UBOX5: variants seen among roughly 807,000 people sequenced by gnomAD.
The protein encoded by UBOX5 is U-box domain containing 5.
Under a neutral mutation model 39.0 loss-of-function variants are expected in UBOX5, and 28 were observed. The observed-to-expected ratio is 0.72, with a 90% CI of 0.53 to 0.98. The LOEUF is 0.98. UBOX5 is among the 50% of genes least tolerant of loss of function. The probability of loss-of-function intolerance (pLI) is 0.00; values close to 1 mark genes in which losing one functional copy is unlikely to be tolerated. For synonymous variants in UBOX5, 283 were observed against 275.5 expected (o/e 1.03, Z -0.27); for missense variants, 585 against 674.4 (o/e 0.87, Z 1.47).
At chr20:3,117,391 C>A (rs1240832005) in intron 3 of UBOX5, among the ~76,000 whole-genome samples, 2 of 151,882 alleles carry the variant, frequency 1.3e-5, no homozygotes, top group Non-Finnish European at 2.9e-5. Flanking sequence ...CCATTAAAAT[C>A]TATTAACAGG....
At position 3,122,459 on chromosome 20, in the gene UBOX5, A is replaced by C. The variant is rs773555195; in HGVS notation, c.180T>G (p.Asn60Lys). The change falls in exon 3 of 5, where the codon AAT becomes AAG. Residue 60 changes from asparagine (N) to lysine (K), a missense_variant. Physicochemically the swap from Asn to Lys is moderately conservative, Grantham distance 94. Transcript: ENST00000217173. ...PVYVTVSFPF[N>K]VEICRINIDL... is the part of the protein sequence containing the mutation. Reference sequence around the variant, plus strand: ...CTATGTTGATCCTACAGATTTCCACATTAAAGGGAAATGAAACTGTCACAT... The same window carrying C: ...CTATGTTGATCCTACAGATTTCCACCTTAAAGGGAAATGAAACTGTCACAT... 1 of 1,614,206 alleles carries C rather than the reference A, an allele frequency of 6.2e-7. No individual in the cohort carries two copies. Among genetic ancestry groups the C allele is most frequent in the Non-Finnish European group, 8.5e-7 (1 of 1,180,024 alleles).
Position 3,109,879 on chromosome 20 carries a change from C to A in UBOX5, c.*227G>T. ...TCCTGGGCTCAGGCAGGGGGGGTGGCAGGGAGGCAGGGACATCCCCCCGCC... is the reference window on the plus strand; with the variant it reads ...TCCTGGGCTCAGGCAGGGGGGGTGGAAGGGAGGCAGGGACATCCCCCCGCC... On this transcript the variant is annotated 3_prime_UTR_variant, in exon 5 of 5. Coordinates refer to ENST00000217173, the MANE Select transcript of UBOX5 (RefSeq NM_014948.4). 1.7e-6 allele frequency: 1 copy of A among 596,798 alleles called. No homozygotes were observed. The highest frequency in any genetic ancestry group is 4.5e-4 in the Middle Eastern group (1 of 2,202). 37.0% of individuals were successfully genotyped at this position (596,798 alleles called of 1,614,324 possible).
chr20:3,145,922 T>A (rs2066557375), intron 1 of UBOX5, among the ~76,000 whole-genome samples: 2 of 151,864 alleles, frequency 1.3e-5, no homozygotes, highest in African/African-American at 4.8e-5. Flanking sequence ...GGTGGGCGCC[T>A]GTAACCCCAG....
chr20:3,140,274 G>C (rs1464629849), intron 1 of UBOX5, among the ~76,000 whole-genome samples: 1 of 151,996 alleles, frequency 6.6e-6, no homozygotes, highest in Non-Finnish European at 1.5e-5. Flanking sequence ...CGCCCACCTT[G>C]GCCTCCCACA....
In UBOX5 at chr20:3,109,209, A is replaced by T. The variant is rs1047432531; in HGVS notation, c.*897T>A. On this transcript the variant is annotated 3_prime_UTR_variant, in exon 5 of 5. Coordinates refer to ENST00000217173, the MANE Select transcript of UBOX5 (RefSeq NM_014948.4). ...AGAGTACCAAGTTGTAGGGATATGG[A>T]TATATTTTCCCTTTGGCACTCCATA... 1 of 152,090 alleles carries T rather than the reference A, an allele frequency of 6.6e-6. No individual in the cohort carries two copies. Among genetic ancestry groups the T allele is most frequent in the East Asian group, 1.9e-4 (1 of 5,192 alleles). 9.4% of individuals were successfully genotyped at this position (152,090 alleles called of 1,614,324 possible).
intron 3 of UBOX5, among the ~76,000 whole-genome samples, chr20:3,119,406 A>G (rs2066317529): frequency 6.6e-6 from 1 of 152,342 alleles, no homozygotes; most frequent in East Asian, 1.9e-4. Context: ...GCAGACTTGG[A>G]AGACCCTGAA....
chr20:3,144,797 T>C (rs1318283690), intron 1 of UBOX5, among the ~76,000 whole-genome samples: 1 of 152,210 alleles, frequency 6.6e-6, no homozygotes, highest in African/African-American at 2.4e-5. Context: ...GACTTCCTAA[T>C]ATAACACATA....
chr20:3,147,513 T>C (rs1272480943), intron 1 of UBOX5: 2 of 1,614,108 alleles, frequency 1.2e-6, no homozygotes, highest in African/African-American at 1.3e-5. Flanking sequence ...ATGCCAACTG[T>C]ACCATCGAGG....
chr20:3,152,700 G>T (rs1313460653), intron 1 of UBOX5, among the ~76,000 whole-genome samples: 5 of 152,034 alleles, frequency 3.3e-5, no homozygotes, highest in Non-Finnish European at 7.4e-5. Flanking sequence ...TTGAGGACAG[G>T]AGTTCAAGAC....
chr20:3,152,387 A>G (rs1335760171), intron 1 of UBOX5, among the ~76,000 whole-genome samples: 1 of 151,992 alleles, frequency 6.6e-6, no homozygotes, highest in African/African-American at 2.4e-5. Context: ...CTGCAATCCC[A>G]GCTACTCGGG....
At chr20:3,118,602 C>G (rs1484828376) in intron 3 of UBOX5, among the ~76,000 whole-genome samples, 1 of 151,996 alleles carries the variant, frequency 6.6e-6, no homozygotes, top group East Asian at 1.9e-4. Flanking sequence ...AACCCCGTCT[C>G]TACTAAAAGT....
At chr20:3,146,366 TA>T (rs1289937632) in intron 1 of UBOX5, among the ~76,000 whole-genome samples, 270 of 93,162 alleles carry the variant, frequency 2.9e-3, no homozygotes, top group Middle Eastern at 8.5e-3. Flanking sequence ...AAACTGGCTT[TA>T]AAAAAAAAAA....
At chr20:3,151,535 C>T (rs904088251) in intron 1 of UBOX5, among the ~76,000 whole-genome samples, 2 of 152,060 alleles carry the variant, frequency 1.3e-5, no homozygotes, top group Admixed American at 1.3e-4. Context: ...CGCCTATAAT[C>T]CCAACACTTT....
At chr20:3,134,861 G>A (rs1234899819) in intron 1 of UBOX5, among the ~76,000 whole-genome samples, 10 of 149,408 alleles carry the variant, frequency 6.7e-5, no homozygotes, top group Admixed American at 1.3e-4. Context: ...GCGAAACTCC[G>A]TCTCAAAAAA....
At chr20:3,150,861 GT>G (rs2066617000) in intron 1 of UBOX5, 1 of 152,162 alleles carries the variant, frequency 6.6e-6, no homozygotes, top group Non-Finnish European at 1.5e-5. Context: ...TATACACTTG[GT>G]TCTTTACTGT....
intron 1 of UBOX5, among the ~76,000 whole-genome samples, chr20:3,124,336 TCGG>T (rs930337332): frequency 4.3e-4 from 66 of 152,286 alleles, no homozygotes; most frequent in African/African-American, 1.6e-3. Context: ...TTCTCCTGCC[TCGG>T]CCTGCCGAGT....
intron 3 of UBOX5, among the ~76,000 whole-genome samples, 193 bp downstream of exon 3, chr20:3,121,191 C>A (rs1306716131): frequency 6.6e-6 from 1 of 152,162 alleles, no homozygotes; most frequent in Non-Finnish European, 1.5e-5. Context: ...ACATGGAACC[C>A]CTCCAAGGCT....
rs780072656 is a variant in UBOX5 at position 3,110,239 on chromosome 20, G to A, written c.1493C>T (p.Pro498Leu). 1.7e-5 allele frequency: 27 copies of A among 1,613,986 alleles called. No homozygotes were observed. The highest frequency in any genetic ancestry group is 3.3e-5 in the Admixed American group (2 of 60,004). ...RVFSPYFKKE[P>L]VYQLPCGHLL... Reference sequence around the variant, plus strand: ...GTGGCCGCAGGGCAGCTGGTACACCGGCTCCTTTTTGAAGTAGGGAGAAAA... The same window carrying A: ...GTGGCCGCAGGGCAGCTGGTACACCAGCTCCTTTTTGAAGTAGGGAGAAAA... Residue 498 changes from proline (P) to leucine (L), a missense_variant, in exon 5 of 5, where the codon CCG (proline) becomes CTG (leucine). Physicochemically the swap from Pro to Leu is moderately conservative, Grantham distance 98. Transcript: ENST00000217173.
At chr20:3,154,607 CA>C (rs1230581747) in intron 1 of UBOX5, among the ~76,000 whole-genome samples, 5 of 151,986 alleles carry the variant, frequency 3.3e-5, no homozygotes, top group Non-Finnish European at 7.4e-5. Context: ...TGCTTGAGCC[CA>C]AAAAGTTAAG....
Sources: gnomAD v4.1 joint callset for allele counts (sites outside exome capture counted in the v4.1 genomes callset) on GRCh38, gnomAD v4.1.1 for gene constraint, MANE v1.5 for transcripts, NCBI Gene and HGNC (gene_info 2026-07-23, HGNC 2026-07-21) for gene names.